Variants in LYST observed in about 807,000 individuals in gnomAD.
LYST encodes the protein lysosomal-trafficking regulator.
In LYST, 192 loss-of-function variants were observed where a neutral mutation model predicts 413.6. The observed-to-expected ratio is 0.46, with a 90% CI of 0.41 to 0.52. The LOEUF is 0.52. Ranked by LOEUF, LYST falls within the 20% of genes least tolerant of loss-of-function variation. The pLI is 0.00. For missense variants in LYST, 3,815 were observed against 4,499.9 expected (o/e 0.85, Z 4.35); for synonymous variants, 1,525 against 1,567.3 (o/e 0.97, Z 0.64).
At chr1:235,714,416 A>G (rs1017759755) in intron 42 of LYST, among the ~76,000 whole-genome samples, 1 of 152,222 alleles carries the variant, frequency 6.6e-6, no homozygotes, top group African/African-American at 2.4e-5. Context: ...CTGTTTACTT[A>G]CAGAGAGACA....
At chr1:235,827,360 C>T in intron 3 of LYST, 1 of 865,148 alleles carries the variant, frequency 1.2e-6, no homozygotes, top group African/African-American at 1.8e-5. Context: ...AAAAGTGAGA[C>T]TCTGTCTCAA....
rs750431413 is a variant in LYST, at chr1:235,809,897, C to T, written c.921G>A (p.Glu307=). ...GDCCSLSDNL[E]SRVVSAGWTE... ...TCCAACCTGCAGAAACTACTCGACT[C>T]TCCAAGTTGTCGCTCAGACTGCAGC... The change falls in exon 5 of 53, where the codon GAG becomes GAA. Residue 307 remains glutamate, a synonymous_variant. Transcript: ENST00000389793. This position sits in a 1 kb window ranked among gnomAD's most constrained non-coding sequence, Gnocchi z 4.0. 3 of 1,614,036 alleles carry T rather than the reference C, an allele frequency of 1.9e-6. No individual in the cohort carries two copies. In the Admixed American group the frequency reaches 5.0e-5, roughly 27 times the overall value.
At chr1:235,724,494 T>C (rs1386451773) in intron 38 of LYST, among the ~76,000 whole-genome samples, 1 of 152,210 alleles carries the variant, frequency 6.6e-6, no homozygotes, top group African/African-American at 2.4e-5. Flanking sequence ...AATCTTGCAT[T>C]TGGTGTGGGA....
intron 38 of LYST, among the ~76,000 whole-genome samples, chr1:235,725,752 C>T (rs1340052097): frequency 6.6e-6 from 1 of 152,072 alleles, no homozygotes; most frequent in African/African-American, 2.4e-5. Flanking sequence ...TCAACACATA[C>T]CAAATAGATA....
intron 1 of LYST, among the ~76,000 whole-genome samples, chr1:235,864,130 T>C (rs568162818): frequency 6.6e-6 from 1 of 152,252 alleles, no homozygotes; most frequent in African/African-American, 2.4e-5. Context: ...CCCACACTGC[T>C]GCTTGGCTAT....
intron 15 of LYST, 145 bp from the exon 16 acceptor site, chr1:235,781,200 C>T (rs527669193): frequency 1.3e-4 from 80 of 613,264 alleles, no homozygotes; most frequent in South Asian, 7.7e-4. Flanking sequence ...GCCTCAATTT[C>T]GAAATTGGTG....
intron 1 of LYST, among the ~76,000 whole-genome samples, chr1:235,848,279 G>A (rs951859210): frequency 6.6e-6 from 1 of 152,156 alleles, no homozygotes; most frequent in African/African-American, 2.4e-5. Flanking sequence ...GCTCCTGAAT[G>A]AGCATTGGGT....
At chr1:235,879,383 G>A (rs1681276433) in intron 1 of LYST, among the ~76,000 whole-genome samples, 1 of 152,218 alleles carries the variant, frequency 6.6e-6, no homozygotes, top group Non-Finnish European at 1.5e-5. Context: ...TGCAAAAGCA[G>A]GGAGCATATG....
intron 13 of LYST, 98 bp from the exon 14 acceptor site, chr1:235,787,471 T>TA: frequency 2.0e-6 from 2 of 1,012,342 alleles, no homozygotes; most frequent in Non-Finnish European, 3.1e-6. Flanking sequence ...TAAGTAAGAT[T>TA]AAAAATCAGT....
intron 1 of LYST, among the ~76,000 whole-genome samples, chr1:235,863,854 C>CT (rs1383884816): frequency 6.6e-6 from 1 of 152,194 alleles, no homozygotes; most frequent in African/African-American, 2.4e-5. Flanking sequence ...GCCAAACTTA[C>CT]TCAGGCTTTT....
chr1:235,797,420 A>T (rs1174972061), intron 10 of LYST, among the ~76,000 whole-genome samples: 1 of 152,210 alleles, frequency 6.6e-6, no homozygotes, highest in Non-Finnish European at 1.5e-5. Flanking sequence ...ATATGATTTA[A>T]TGACAATGGC....
At chr1:235,727,059 T>C (rs1663945687) in intron 38 of LYST, among the ~76,000 whole-genome samples, 1 of 152,140 alleles carries the variant, frequency 6.6e-6, no homozygotes. Context: ...AATACTTTCA[T>C]GACTTTTTTT....
In LYST at chr1:235,734,529, G is replaced by A. The variant is rs1664651273; in HGVS notation, c.8489C>T (p.Pro2830Leu). ...GTCTGCTTTTGTTGATGCACTGGGA[G>A]GGATGCACTTGTGACCACATAACTT... ...ALKLCGHKCI[P>L]PSASTKADLI... is the part of the protein sequence containing the mutation. Residue 2830 changes from proline to leucine, a missense_variant, in exon 32 of 53, where the codon CCT becomes CTT. Transcript: ENST00000389793. The A allele has an allele frequency of 6.2e-7, 1 of 1,613,538 alleles. No homozygotes were observed. Among genetic ancestry groups the A allele is most frequent in the Non-Finnish European group, 8.5e-7 (1 of 1,179,666 alleles).
chr1:235,862,854 C>A (rs1437122052), intron 1 of LYST, among the ~76,000 whole-genome samples: 1 of 147,734 alleles, frequency 6.8e-6, no homozygotes, highest in African/African-American at 2.5e-5. Context: ...CACACCCCTT[C>A]AAGATAAAGT....
intron 9 of LYST, 78 bp downstream of exon 9, chr1:235,800,793 T>G (rs1000265831): frequency 2.0e-6 from 2 of 980,072 alleles, no homozygotes; most frequent in Non-Finnish European, 1.6e-6. Flanking sequence ...TCAGAAAAGC[T>G]GGGTTATACA....
chr1:235,768,016 T>C (rs540016270), intron 20 of LYST, among the ~76,000 whole-genome samples: 20 of 152,224 alleles, frequency 1.3e-4, no homozygotes, highest in African/African-American at 3.6e-4. Flanking sequence ...TTTTCTGGTT[T>C]CACATCCTGA....
At chr1:235,753,347 G>T in intron 25 of LYST, 73 bp from the exon 26 acceptor site, 1 of 910,738 alleles carries the variant, frequency 1.1e-6, no homozygotes, top group Non-Finnish European at 1.8e-6. Context: ...GCAACTATGG[G>T]TCATCTTGCT....
chr1:235,685,332 T>G (rs1179979094), intron 48 of LYST, among the ~76,000 whole-genome samples: 1 of 152,138 alleles, frequency 6.6e-6, no homozygotes, highest in Non-Finnish European at 1.5e-5. Context: ...GGCCTTCTCG[T>G]TGGTGTCCTG....
At chr1:235,856,939 GA>G (rs1558349573) in intron 1 of LYST, among the ~76,000 whole-genome samples, 32 of 128,324 alleles carry the variant, frequency 2.5e-4, no homozygotes, top group African/African-American at 9.4e-4. Context: ...AGGATATACT[GA>G]TTTTTTTTTT....
Sources: allele counts gnomAD v4.1 joint callset (sites outside exome capture counted in the v4.1 genomes callset), GRCh38; gene constraint gnomAD v4.1.1; non-coding constraint Gnocchi (gnomAD v3.1); transcripts MANE v1.5; gene names NCBI Gene and HGNC (gene_info 2026-07-23, HGNC 2026-07-21).